The following WIF1 variants were observed in gnomAD, a reference collection of about 807,000 sequenced individuals.
WIF1 encodes Wnt inhibitory factor 1.
Under a neutral mutation model 53.5 loss-of-function variants are expected in WIF1, and 35 were observed. The ratio of observed to expected loss-of-function variants is 0.65; its 90% CI spans 0.50 to 0.87. WIF1 has a LOEUF of 0.87. WIF1 is among the 40% of genes least tolerant of loss of function. The pLI is 0.00. For synonymous variants in WIF1, 171 were observed against 170.4 expected (o/e 1.00, Z -0.03); for missense variants, 467 against 476.8 (o/e 0.98, Z 0.19).
intron 3 of WIF1, among the ~76,000 whole-genome samples, chr12:65,075,033 G>T (rs1241083385): frequency 6.6e-6 from 1 of 151,852 alleles, no homozygotes; most frequent in East Asian, 1.9e-4. Flanking sequence ...ACGTCCTTGG[G>T]GCTACACATC....
chr12:65,115,561 C>G (rs7139364), intron 2 of WIF1, among the ~76,000 whole-genome samples: 151,516 of 152,346 alleles, frequency 0.99, 75,353 homozygotes, highest in Middle Eastern at 1. Flanking sequence ...CTCAAATTTA[C>G]AGAAAAATAA....
chr12:65,095,049 C>T (rs1397131188), intron 2 of WIF1, among the ~76,000 whole-genome samples: 1 of 151,804 alleles, frequency 6.6e-6, no homozygotes, highest in African/African-American at 2.4e-5. Flanking sequence ...CCTCTCACCT[C>T]AACCTCTGCA....
rs1219666115 is a variant in WIF1, at chr12:65,051,372, G to C, written c.1117C>G (p.Pro373Ala). The C allele has an allele frequency of 6.2e-7, 1 of 1,613,692 alleles. No homozygotes were observed. Among genetic ancestry groups the C allele is most frequent in the Non-Finnish European group, 8.5e-7 (1 of 1,179,890 alleles). ...LKKAEERRDPPESNYIW is the reference protein window; with the variant it reads ...LKKAEERRDPAESNYIW ...GTTCACCAGATGTAATTGGATTCAG[G>C]TGGATCCCGCCGCTCCTCGGCCTTT... Residue 373 changes from proline to alanine, a missense_variant, in exon 10 of 10, where the codon CCT (proline) becomes GCT (alanine). Physicochemically the swap from Pro to Ala is conservative, Grantham distance 27 (BLOSUM62 -1). Transcript: ENST00000286574.
At chr12:65,092,122 C>T (rs1298135052) in intron 2 of WIF1, among the ~76,000 whole-genome samples, 1 of 152,038 alleles carries the variant, frequency 6.6e-6, no homozygotes, top group Non-Finnish European at 1.5e-5. Context: ...AGAATGAGTT[C>T]ATGTCCTTTG....
chr12:65,116,460 C>T (rs1883512003), intron 2 of WIF1, among the ~76,000 whole-genome samples: 2 of 151,938 alleles, frequency 1.3e-5, no homozygotes, highest in Admixed American at 1.3e-4. Flanking sequence ...TCTCCCATCA[C>T]CCTCAGATGG....
intron 2 of WIF1, among the ~76,000 whole-genome samples, chr12:65,111,311 C>T (rs1447468564): frequency 6.6e-6 from 1 of 152,116 alleles, no homozygotes; most frequent in East Asian, 1.9e-4. Flanking sequence ...TCTCCAACCC[C>T]ATTTTCCGCT....
rs370267621 is a variant in WIF1, at chr12:65,056,267, C to CT, written c.827-142dup. ...TTCATTTATTTCAGATCTACTCTGG[C>CT]TTTTTTTTTTTGAGTTTTGTTTTTG... On this transcript the variant is annotated intron_variant, in intron 7 of 9. Transcript: ENST00000286574. 26,104 of 475,434 alleles carry CT rather than the reference C, an allele frequency of 0.055. 750 individuals carry two copies. Among genetic ancestry groups the CT allele is most frequent in the African/African-American group, 0.22 (9,430 of 42,844 alleles). 29.5% of individuals were successfully genotyped at this position (475,434 alleles called of 1,614,324 possible).
At chr12:65,057,142 G>C (rs1404800883) in intron 7 of WIF1, among the ~76,000 whole-genome samples, 1 of 152,150 alleles carries the variant, frequency 6.6e-6, no homozygotes, top group South Asian at 2.1e-4. Context: ...ACAAAAGTGT[G>C]TTTGTGGGTG....
chr12:65,118,774 G>C (rs1883550442), intron 2 of WIF1, among the ~76,000 whole-genome samples: 1 of 152,114 alleles, frequency 6.6e-6, no homozygotes, highest in African/African-American at 2.4e-5. Context: ...TAAGCAATAG[G>C]ATAAAAGCAA....
In WIF1 at chr12:65,064,864, A is replaced by G. The variant is rs748868655; in HGVS notation, c.730+1777T>C. On this transcript the variant is annotated intron_variant, in intron 6 of 9. Transcript: ENST00000286574. ...CAACAATGGCCACGCCTACATAAGA[A>G]GGTCTCACAAATGGTCTCTTGTGAA... is the stretch of plus-strand genomic sequence containing the variant. Among the ~76,000 whole-genome samples, 29 of 152,164 alleles carry G rather than the reference A, an allele frequency of 1.9e-4. 2 individuals are homozygous for G. Among genetic ancestry groups the G allele is most frequent in the Non-Finnish European group, 4.0e-4 (27 of 68,028 alleles).
In WIF1 at chr12:65,055,222, A is replaced by G. The variant is rs763821079; in HGVS notation, c.923-9T>C. On this transcript the variant is annotated splice_polypyrimidine_tract_variant and intron_variant, in intron 8 of 9. Transcript: ENST00000286574. Reference sequence around the variant, plus strand: ...GCCAGGCTCGCAGACAGCTAGAATCAAAAGAAATAAAAAGAGTATTTCCTG... The same window carrying G: ...GCCAGGCTCGCAGACAGCTAGAATCGAAAGAAATAAAAAGAGTATTTCCTG... 6 of 1,609,360 alleles carry G rather than the reference A, an allele frequency of 3.7e-6. No homozygotes were observed. The highest frequency in any genetic ancestry group is 2.5e-6 in the Non-Finnish European group (3 of 1,178,798).
At chr12:65,063,729 A>G (rs902431043) in intron 6 of WIF1, among the ~76,000 whole-genome samples, 1 of 151,052 alleles carries the variant, frequency 6.6e-6, no homozygotes, top group African/African-American at 2.4e-5. Context: ...TTGTTTTTTA[A>G]AAGAGACAGG....
chr12:65,067,365 C>T (rs1486893715), intron 5 of WIF1, among the ~76,000 whole-genome samples: 1 of 152,166 alleles, frequency 6.6e-6, no homozygotes, highest in Non-Finnish European at 1.5e-5. Context: ...CTTAGATATA[C>T]TCTTAGTTGT....
At chr12:65,111,730 G>T (rs1463499840) in intron 2 of WIF1, among the ~76,000 whole-genome samples, 1 of 152,158 alleles carries the variant, frequency 6.6e-6, no homozygotes, top group Non-Finnish European at 1.5e-5. Context: ...GCAGATAACT[G>T]GTTCTTAATC....
At chr12:65,087,446 A>G (rs994428846) in intron 2 of WIF1, among the ~76,000 whole-genome samples, 3 of 152,216 alleles carry the variant, frequency 2.0e-5, no homozygotes, top group Non-Finnish European at 4.4e-5. Context: ...TTCTATTGAT[A>G]AAAAGTAAAT....
chr12:65,115,151 C>T (rs1202163792), intron 2 of WIF1, among the ~76,000 whole-genome samples: 3 of 134,986 alleles, frequency 2.2e-5, no homozygotes, highest in Admixed American at 1.6e-4. Context: ...ACAGATGGCT[C>T]GGCATAAATC....
At chr12:65,088,322 G>A (rs1188924708) in intron 2 of WIF1, among the ~76,000 whole-genome samples, 1 of 151,962 alleles carries the variant, frequency 6.6e-6, no homozygotes, top group East Asian at 1.9e-4. Context: ...TACTATATAC[G>A]AATCCTCTCA....
At chr12:65,110,362 C>T (rs1353788384) in intron 2 of WIF1, among the ~76,000 whole-genome samples, 1 of 151,968 alleles carries the variant, frequency 6.6e-6, no homozygotes, top group African/African-American at 2.4e-5. Context: ...CCTGTGGTAG[C>T]CTTTCTCCCT....
chr12:65,091,764 T>C (rs1201733507), intron 2 of WIF1, among the ~76,000 whole-genome samples: 3 of 152,150 alleles, frequency 2.0e-5, no homozygotes, highest in East Asian at 3.9e-4. Context: ...CTTTTCCAAA[T>C]TGAGATACAC....
Sources: gnomAD v4.1 joint callset for allele counts (sites outside exome capture counted in the v4.1 genomes callset) on GRCh38, gnomAD v4.1.1 for gene constraint, MANE v1.5 for transcripts, NCBI Gene and HGNC (gene_info 2026-07-23, HGNC 2026-07-21) for gene names.